The following ACACA variants were observed in gnomAD, a reference collection of about 807,000 sequenced individuals.
ACACA encodes the protein acetyl-CoA carboxylase alpha.
Under a neutral mutation model 296.1 loss-of-function variants are expected in ACACA, and 103 were observed. The observed-to-expected ratio is 0.35, with a 90% confidence interval of 0.30 to 0.41. ACACA has a LOEUF of 0.41. ACACA is among the 10% of genes least tolerant of loss of function. The pLI, the probability that ACACA is intolerant of heterozygous loss-of-function variation, is 1.00. For missense variants in ACACA, 1,554 were observed against 2,989.7 expected (o/e 0.52, Z 11.20); for synonymous variants, 953 against 1,038.6 (o/e 0.92, Z 1.58).
intron 3 of ACACA, among the ~76,000 whole-genome samples, chr17:37,313,225 G>A (rs530988653): frequency 3.1e-4 from 47 of 151,968 alleles, no homozygotes; most frequent in Admixed American, 5.9e-4. Context: ...GGGTTCATCT[G>A]TGCAGCAAAC....
intron 1 of ACACA, among the ~76,000 whole-genome samples, chr17:37,362,015 G>T (rs536736036): frequency 1.3e-5 from 2 of 152,236 alleles, no homozygotes; most frequent in African/African-American, 4.8e-5. Flanking sequence ...TTAAAATGAG[G>T]TCATAAGGGT....
At chr17:37,154,383 A>AAT (rs1210423592) in intron 43 of ACACA, among the ~76,000 whole-genome samples, 1 of 152,134 alleles carries the variant, frequency 6.6e-6, no homozygotes, top group Non-Finnish European at 1.5e-5. Flanking sequence ...AATGTGAGAA[A>AAT]ATTTGCCTCA....
At chr17:37,169,587 T>A (rs946405164) in intron 41 of ACACA, among the ~76,000 whole-genome samples, 1 of 152,194 alleles carries the variant, frequency 6.6e-6, no homozygotes, top group Admixed American at 6.5e-5. Context: ...TTACTTTCTA[T>A]AGATGGGTCT....
At chr17:37,112,991 G>T in intron 51 of ACACA, 97 bp downstream of exon 51, 1 of 1,410,540 alleles carries the variant, frequency 7.1e-7, no homozygotes. Flanking sequence ...CACAGGATGT[G>T]GGTGCTGTAG....
intron 1 of ACACA, among the ~76,000 whole-genome samples, chr17:37,376,527 A>G (rs1012602628): frequency 1.3e-5 from 2 of 152,166 alleles, no homozygotes; most frequent in Non-Finnish European, 2.9e-5. Context: ...AAATAGCTAG[A>G]CGGTGATATT....
intron 11 of ACACA, among the ~76,000 whole-genome samples, chr17:37,262,628 C>G (rs542456863): frequency 6.6e-6 from 1 of 152,256 alleles, no homozygotes; most frequent in South Asian, 2.1e-4. Context: ...CAAAAACAGG[C>G]AACAGGTGAG....
chr17:37,227,135 T>C lies in ACACA; in HGVS notation c.3247-683A>G, dbSNP rs572299367. Among the ~76,000 whole-genome samples, 24 of 152,286 alleles carry C rather than the reference T, an allele frequency of 1.6e-4. No homozygotes were observed. In the East Asian group the frequency reaches 3.3e-3, roughly 21 times the overall value. The stretch of plus-strand genomic sequence containing the variant: ...ACTATAGAATCCATGGTTTATTCAG[T>C]ATTGGGTCCTTCCTCTTCTAAGAAG... On this transcript the variant is annotated intron_variant, in intron 25 of 55. Coordinates refer to ENST00000616317, the MANE Select transcript of ACACA (RefSeq NM_198834.3).
rs532544443 is a variant in ACACA, at chr17:37,406,202, G to A, written c.38+60C>T. The A allele has an allele frequency of 6.3e-6, 10 of 1,586,712 alleles. No homozygotes were observed. In the East Asian group the frequency reaches 2.0e-4, roughly 32 times the overall value. ...AATGTCTGGCATGCAATAAGTACTC[G>A]ACAAATGGTAGCTATTAGAATCATC... On this transcript the variant is annotated intron_variant, in intron 1 of 55. Transcript: ENST00000616317.
chr17:37,290,072 G>GAA (rs2082973562), intron 3 of ACACA, among the ~76,000 whole-genome samples: 1 of 152,062 alleles, frequency 6.6e-6, no homozygotes, highest in East Asian at 1.9e-4. Context: ...TTTTTAGACA[G>GAA]AGTCTCACTC....
At chr17:37,172,984 C>T (rs751448666) in intron 41 of ACACA, among the ~76,000 whole-genome samples, 2 of 152,150 alleles carry the variant, frequency 1.3e-5, no homozygotes, top group Non-Finnish European at 2.9e-5. Flanking sequence ...AAGACTGACA[C>T]TGACTCAATT....
intron 1 of ACACA, chr17:37,376,248 C>A: frequency 3.0e-6 from 3 of 1,011,168 alleles, no homozygotes; most frequent in East Asian, 2.4e-5. Flanking sequence ...AGCTGATATC[C>A]AGCAAGCAAT....
At chr17:37,102,546 T>C (rs1168071374) in intron 52 of ACACA, among the ~76,000 whole-genome samples, 1 of 152,222 alleles carries the variant, frequency 6.6e-6, no homozygotes, top group Non-Finnish European at 1.5e-5. Flanking sequence ...CACTTGGGTC[T>C]GGCTCTCTCC....
At chr17:37,157,283 G>A (rs2076288062) in intron 42 of ACACA, among the ~76,000 whole-genome samples, 2 of 152,320 alleles carry the variant, frequency 1.3e-5, no homozygotes, top group Non-Finnish European at 2.9e-5. Flanking sequence ...AAGTACAAAT[G>A]CACTGAGGCA....
intron 1 of ACACA, among the ~76,000 whole-genome samples, chr17:37,383,065 G>T (rs2050375298): frequency 6.6e-6 from 1 of 152,076 alleles, no homozygotes; most frequent in Non-Finnish European, 1.5e-5. Context: ...AAAGACTCTG[G>T]CAGGGTTTTG....
chr17:37,087,482 A>C (rs2072285034), intron 55 of ACACA, 43 bp from the exon 56 acceptor site: 1 of 1,613,436 alleles, frequency 6.2e-7, no homozygotes, highest in African/African-American at 1.3e-5. Context: ...GAGAAGCAGA[A>C]GTGTCTAGAT....
At chr17:37,219,630 T>C (rs540901370) in intron 29 of ACACA, among the ~76,000 whole-genome samples, 99 of 151,172 alleles carry the variant, frequency 6.5e-4, no homozygotes, top group Admixed American at 9.9e-4. Context: ...ATCCAAATTT[T>C]AACAAAAACA....
intron 3 of ACACA, among the ~76,000 whole-genome samples, chr17:37,295,587 G>A (rs975649457): frequency 2.0e-5 from 3 of 151,996 alleles, no homozygotes; most frequent in Non-Finnish European, 2.9e-5. Flanking sequence ...TCAGGAGTTC[G>A]AGACCAGCCT....
intron 29 of ACACA, among the ~76,000 whole-genome samples, chr17:37,212,368 A>G (rs2078785113): frequency 6.6e-6 from 1 of 152,152 alleles, no homozygotes; most frequent in African/African-American, 2.4e-5. Context: ...AGCAACTCTC[A>G]AGCTCCTATA....
intron 5 of ACACA, among the ~76,000 whole-genome samples, chr17:37,280,544 C>T (rs1421526349): frequency 6.6e-6 from 1 of 152,040 alleles, no homozygotes; most frequent in Non-Finnish European, 1.5e-5. Context: ...ATCTCTTAAT[C>T]TTAAGGTAGA....
Sources: gnomAD v4.1 joint callset for allele counts (sites outside exome capture counted in the v4.1 genomes callset) on GRCh38, gnomAD v4.1.1 for gene constraint, MANE v1.5 for transcripts, NCBI Gene and HGNC (gene_info 2026-07-23, HGNC 2026-07-21) for gene names.